Variants in CDC25C observed in about 807,000 individuals in gnomAD.
The protein encoded by CDC25C is M-phase inducer phosphatase 3.
Under a neutral mutation model 52.5 loss-of-function variants are expected in CDC25C, and 48 were observed. That is an observed-to-expected ratio of 0.91 (90% CI 0.72 to 1.16). The LOEUF (loss-of-function observed/expected upper bound fraction) is 1.16, where lower values mean the gene tolerates loss of function less well. CDC25C is among the 50% of genes most tolerant of loss of function. The pLI, the probability that CDC25C is intolerant of heterozygous loss-of-function variation, is 0.00. For synonymous variants in CDC25C, 187 were observed against 206.5 expected (o/e 0.91, Z 0.81); for missense variants, 510 against 566.1 (o/e 0.90, Z 1.01).
intron 6 of CDC25C, among the ~76,000 whole-genome samples, chr5:138,322,620 C>T (rs1383591729): frequency 3.3e-5 from 5 of 150,718 alleles, no homozygotes; most frequent in African/African-American, 1.2e-4. Flanking sequence ...GGACTACAGG[C>T]ACCCGCCACC....
chr5:138,315,174 C>T (rs933996162), intron 7 of CDC25C, among the ~76,000 whole-genome samples: 2 of 152,090 alleles, frequency 1.3e-5, no homozygotes, highest in Admixed American at 6.6e-5. Context: ...CCACCCGCTT[C>T]GGCCTCCCAG....
At chr5:138,338,305 G>T (rs1348479445) in exon 1 of CDC25C, 1 of 590,230 alleles carries the variant, frequency 1.7e-6, no homozygotes, top group African/African-American at 1.9e-5. Context: ...TGGAGGAACC[G>T]CGGTAGGTGG....
At chr5:138,286,757 G>C in intron 11 of CDC25C, 127 bp from the exon 12 acceptor site, 6 of 786,176 alleles carry the variant, frequency 7.6e-6, no homozygotes, top group Non-Finnish European at 1.2e-5. Flanking sequence ...GCACCTTTAG[G>C]GCAGGGGTCT....
At chr5:138,301,844 C>T (rs1757652048) in intron 7 of CDC25C, among the ~76,000 whole-genome samples, 1 of 151,128 alleles carries the variant, frequency 6.6e-6, no homozygotes, top group Non-Finnish European at 1.5e-5. Context: ...GCTGGAATTA[C>T]AGGTGTGTGC....
chr5:138,309,715 A>ATTT lies in CDC25C; in HGVS notation c.615+9501_615+9503dup, dbSNP rs56020082. 3.8e-3 allele frequency among the ~76,000 whole-genome samples: 505 copies of ATTT among 132,836 alleles called. 15 individuals carry two copies. Among genetic ancestry groups the ATTT allele is most frequent in the African/African-American group, 4.6e-3 (166 of 35,796 alleles). 87.1% of individuals were successfully genotyped at this position (132,836 alleles called of 152,430 possible). A position where few individuals can be genotyped will look rare whatever the true frequency, so the allele number is the denominator to read the frequency against. The stretch of plus-strand genomic sequence containing the variant: ...ACTAAAACCTCCCCTGGCTCTCAAA[A>ATTT]TTTTTTTTTTTTTTTTTTGAGATGG... On this transcript the variant is annotated intron_variant, in intron 7 of 13. Transcript: ENST00000323760.
chr5:138,301,682 G>C (rs1427130799), intron 7 of CDC25C, among the ~76,000 whole-genome samples: 1 of 140,340 alleles, frequency 7.1e-6, no homozygotes, highest in Admixed American at 7.6e-5. Context: ...CATGAACATA[G>C]AGGTACACAA....
chr5:138,333,023 T>A (rs2126860561), upstream of CDC25C, among the ~76,000 whole-genome samples: 1 of 152,298 alleles, frequency 6.6e-6, no homozygotes, highest in East Asian at 1.9e-4. Context: ...TAAATGCAGA[T>A]TCTGATTCGG....
chr5:138,295,973 T>C (rs1757144316), intron 7 of CDC25C, among the ~76,000 whole-genome samples: 1 of 152,106 alleles, frequency 6.6e-6, no homozygotes, highest in African/African-American at 2.4e-5. Flanking sequence ...ATTAAATAAT[T>C]ATTATTTTAT....
chr5:138,328,380 C>A (rs947137027), intron 4 of CDC25C, 104 bp downstream of exon 4: 2 of 992,958 alleles, frequency 2.0e-6, no homozygotes, highest in African/African-American at 3.2e-5. Context: ...CCACTTATAC[C>A]CAGTATGAAA....
intron 7 of CDC25C, among the ~76,000 whole-genome samples, chr5:138,298,629 A>C (rs1757391587): frequency 6.6e-6 from 1 of 152,046 alleles, no homozygotes; most frequent in Non-Finnish European, 1.5e-5. Context: ...ACATGCCTGT[A>C]GTCCCAGCTA....
In CDC25C at chr5:138,331,646, G is replaced by A; in HGVS notation, c.-90C>T. On this transcript the variant is annotated 5_prime_UTR_variant, in exon 1 of 14. Transcript: ENST00000323760. The stretch of plus-strand genomic sequence containing the variant: ...TACAAGAGGAGAGAAAGTAGATAGG[G>A]ATCGGACACAGGCGAAGACTTGAGC... 1.0e-6 allele frequency: 1 copy of A among 1,002,606 alleles called. No individual in the cohort carries two copies. Among genetic ancestry groups the A allele is most frequent in the Non-Finnish European group, 1.2e-6 (1 of 839,546 alleles). The allele number at this position is 1,002,606 out of a possible 1,614,324, so 62.1% of individuals were successfully genotyped here.
At chr5:138,334,437 T>C (rs941647192), upstream of CDC25C, among the ~76,000 whole-genome samples, 2 of 152,098 alleles carry the variant, frequency 1.3e-5, no homozygotes, top group African/African-American at 2.4e-5. Flanking sequence ...CTCAGCTCAC[T>C]GCAACCTCTG....
At chr5:138,307,810 A>C (rs1258739818) in intron 7 of CDC25C, among the ~76,000 whole-genome samples, 1 of 152,116 alleles carries the variant, frequency 6.6e-6, no homozygotes, top group East Asian at 1.9e-4. Flanking sequence ...TCTTCCACCT[A>C]AACAAAACTT....
chr5:138,288,639 C>T (rs1044086639), intron 10 of CDC25C, among the ~76,000 whole-genome samples: 4 of 152,094 alleles, frequency 2.6e-5, no homozygotes, highest in African/African-American at 9.7e-5. Flanking sequence ...TTGCAGCAAG[C>T]CGAGATTGTG....
At position 138,290,634 on chromosome 5, in the gene CDC25C, C is replaced by A. The variant is rs1280078793; in HGVS notation, c.864+5G>T. On this transcript the variant is annotated splice_donor_5th_base_variant and intron_variant, in intron 9 of 13. Coordinates refer to ENST00000323760, the MANE Select transcript of CDC25C (RefSeq NM_001790.5). ...GAAATACAGGATGGGTGTAGCCAAA[C>A]TCACCTTGGAAAAATCACCAATCAG... is the stretch of plus-strand genomic sequence containing the variant. 1 of 1,551,660 alleles carries A rather than the reference C, an allele frequency of 6.4e-7. No homozygotes were observed. Among genetic ancestry groups the A allele is most frequent in the Admixed American group, 1.7e-5 (1 of 59,910 alleles).
At chr5:138,338,286 C>T in exon 1 of CDC25C, 1 of 834,082 alleles carries the variant, frequency 1.2e-6, no homozygotes, top group Non-Finnish European at 1.7e-6. Flanking sequence ...CGGCCGCGGC[C>T]CTGGGAGCTG....
At chr5:138,292,414 T>C (rs1756810276) in intron 7 of CDC25C, among the ~76,000 whole-genome samples, 1 of 149,018 alleles carries the variant, frequency 6.7e-6, no homozygotes, top group East Asian at 2.0e-4. Context: ...TGCAGCTGAC[T>C]GTCTTAGATG....
intron 8 of CDC25C, among the ~76,000 whole-genome samples, chr5:138,291,419 CTTTT>C (rs572826668): frequency 2.9e-5 from 4 of 138,784 alleles, no homozygotes; most frequent in African/African-American, 2.6e-5. Context: ...CAACATTTCT[CTTTT>C]TTTTTTTTTT....
intron 7 of CDC25C, among the ~76,000 whole-genome samples, chr5:138,314,727 G>A (rs1459796986): frequency 6.8e-6 from 1 of 148,126 alleles, no homozygotes; most frequent in African/African-American, 2.5e-5. Flanking sequence ...TCCTGCCTCA[G>A]CCTCCTGGGT....
Sources: allele counts gnomAD v4.1 joint callset (sites outside exome capture counted in the v4.1 genomes callset), GRCh38; gene constraint gnomAD v4.1.1; transcripts MANE v1.5; gene names NCBI Gene and HGNC (gene_info 2026-07-23, HGNC 2026-07-21).